ADGRV1: variants seen among roughly 807,000 people sequenced by gnomAD.
The protein encoded by ADGRV1 is G-protein coupled receptor 98.
ADGRV1 carries 359 observed loss-of-function variants against 596.2 expected under a neutral mutation model. The ratio of observed to expected loss-of-function variants is 0.60; its 90% confidence interval spans 0.55 to 0.66. ADGRV1 has a LOEUF of 0.66. Ranked by LOEUF, ADGRV1 falls within the 30% of genes least tolerant of loss-of-function variation. The probability of loss-of-function intolerance (pLI) is 0.00; values close to 1 mark genes in which losing one functional copy is unlikely to be tolerated. For missense variants in ADGRV1, 7,274 were observed against 7,575.6 expected (o/e 0.96, Z 1.48); for synonymous variants, 2,681 against 2,679.2 (o/e 1.00, Z -0.02).
At chr5:90,893,217 T>C (rs2150591330) in intron 83 of ADGRV1, among the ~76,000 whole-genome samples, 1 of 152,258 alleles carries the variant, frequency 6.6e-6, no homozygotes, top group East Asian at 1.9e-4. Context: ...AGGCTCCAGT[T>C]CCTTGCTTTA....
intron 85 of ADGRV1, among the ~76,000 whole-genome samples, chr5:91,009,256 A>T (rs1188295425): frequency 2.0e-5 from 3 of 152,176 alleles, no homozygotes; most frequent in African/African-American, 7.2e-5. Flanking sequence ...ATGATCTTTC[A>T]TCAAGGCAGA....
At chr5:90,683,237 G>C (rs993991128) in intron 27 of ADGRV1, among the ~76,000 whole-genome samples, 24 of 152,166 alleles carry the variant, frequency 1.6e-4, no homozygotes, top group African/African-American at 5.8e-4. Flanking sequence ...AAGAGATAGA[G>C]TCTTGGTGTG....
intron 65 of ADGRV1, among the ~76,000 whole-genome samples, chr5:90,782,275 T>C (rs1758928552): frequency 6.6e-6 from 1 of 152,122 alleles, no homozygotes; most frequent in Admixed American, 6.6e-5. Context: ...GCTTTAGGAG[T>C]TGGTTTATAA....
intron 1 of ADGRV1, among the ~76,000 whole-genome samples, chr5:90,607,753 A>C (rs1762280377): frequency 6.6e-6 from 1 of 152,162 alleles, no homozygotes; most frequent in African/African-American, 2.4e-5. Context: ...CAGAACTTTC[A>C]AGTATTATTT....
In ADGRV1 at chr5:90,684,098, T is replaced by C; in HGVS notation, c.6177T>C (p.Ala2059=). The change falls in exon 28 of 90, where the codon GCT becomes GCC. Residue 2059 remains alanine, a synonymous_variant. Transcript: ENST00000405460. ...FGANQSEATI[A]ISILDDDEPE... Reference sequence around the variant, plus strand: ...CTAATCAGAGTGAGGCAACAATAGCTATTTCAATTTTGGATGATGATGAGC... The same window carrying C: ...CTAATCAGAGTGAGGCAACAATAGCCATTTCAATTTTGGATGATGATGAGC... 1 of 1,613,978 alleles carries C rather than the reference T, an allele frequency of 6.2e-7. No individual in the cohort carries two copies. The highest frequency in any genetic ancestry group is 8.5e-7 in the Non-Finnish European group (1 of 1,179,880).
intron 79 of ADGRV1, among the ~76,000 whole-genome samples, chr5:90,851,946 C>T (rs1766570979): frequency 6.6e-6 from 1 of 152,098 alleles, no homozygotes. Flanking sequence ...GTTTGAGGTT[C>T]ACTGGTCTCT....
chr5:90,924,892 C>A (rs1006497541), intron 83 of ADGRV1, among the ~76,000 whole-genome samples: 4 of 151,808 alleles, frequency 2.6e-5, no homozygotes, highest in African/African-American at 9.7e-5. Flanking sequence ...AATAGGGAAT[C>A]CTTTCCCCAT....
intron 70 of ADGRV1, among the ~76,000 whole-genome samples, chr5:90,798,333 G>A (rs1258617163): frequency 6.6e-6 from 1 of 152,096 alleles, no homozygotes; most frequent in African/African-American, 2.4e-5. Context: ...AGAAGAAATG[G>A]ATAAATTCAT....
intron 17 of ADGRV1, among the ~76,000 whole-genome samples, chr5:90,650,184 T>C (rs942241327): frequency 5.9e-5 from 9 of 152,236 alleles, no homozygotes; most frequent in African/African-American, 2.2e-4. Flanking sequence ...CTGTTTATCC[T>C]GATGCTAATC....
intron 21 of ADGRV1, among the ~76,000 whole-genome samples, chr5:90,666,706 C>T (rs949027023): frequency 9.3e-5 from 14 of 151,296 alleles, no homozygotes; most frequent in African/African-American, 2.7e-4. Context: ...TTCCTAGTCT[C>T]GATGGTCTTT....
intron 84 of ADGRV1, among the ~76,000 whole-genome samples, chr5:90,974,763 G>A (rs1430093932): frequency 1.3e-5 from 2 of 152,100 alleles, no homozygotes; most frequent in Non-Finnish European, 2.9e-5. Context: ...GAAAACCTAG[G>A]CAATACCATT....
At chr5:90,685,232 A>G (rs1378686738) in intron 28 of ADGRV1, among the ~76,000 whole-genome samples, 1 of 152,166 alleles carries the variant, frequency 6.6e-6, no homozygotes, top group African/African-American at 2.4e-5. Flanking sequence ...TGAATCCCGA[A>G]TGTCTAGATT....
At chr5:90,789,674 T>C (rs1291761810) in intron 68 of ADGRV1, 28 bp from the exon 69 acceptor site, 1 of 1,383,176 alleles carries the variant, frequency 7.2e-7, no homozygotes, top group South Asian at 1.3e-5. Context: ...TTTTATAAAT[T>C]ATTTTCTCTG....
Position 90,637,890 on chromosome 5 carries a change from A to G in ADGRV1, c.2182A>G (p.Thr728Ala), listed in dbSNP as rs1343303620. 1 of 1,613,734 alleles carries G rather than the reference A, an allele frequency of 6.2e-7. No individual in the cohort carries two copies. The highest frequency in any genetic ancestry group is 2.2e-5 in the East Asian group (1 of 44,854). Residue 728 changes from threonine (T) to alanine (A), a missense_variant, in exon 11 of 90, where the codon ACT becomes GCT. Thr to Ala is a moderately conservative substitution (Grantham distance 58). This residue lies in a region of ADGRV1 where 1,715 missense variants were observed against 1,708.8 expected (regional missense o/e 1.00). Transcript: ENST00000405460. ...GCAAAGTGACACAACAATCAACATT[A>G]CTATCAAAGGTGATGACATACCGGA... Reference protein sequence around the residue: ...SGQSDTTINITIKGDDIPEMN... With the variant: ...SGQSDTTINIAIKGDDIPEMN...
At chr5:90,736,504 C>T (rs1337129873) in intron 50 of ADGRV1, among the ~76,000 whole-genome samples, 1 of 151,804 alleles carries the variant, frequency 6.6e-6, no homozygotes, top group Non-Finnish European at 1.5e-5. Context: ...TTGGAATTAT[C>T]CTCTGTTCTT....
intron 83 of ADGRV1, among the ~76,000 whole-genome samples, chr5:90,927,966 C>G (rs1329770611): frequency 6.6e-6 from 1 of 152,204 alleles, no homozygotes. Flanking sequence ...GGCCCCCACT[C>G]TCTCCTGGCT....
chr5:90,588,538 AG>A (rs1157332582), intron 1 of ADGRV1, among the ~76,000 whole-genome samples: 1 of 152,206 alleles, frequency 6.6e-6, no homozygotes, highest in African/African-American at 2.4e-5. Context: ...AAGCAGTCTG[AG>A]CCTGAGAAGT....
At chr5:90,845,537 C>T (rs1007328941) in intron 78 of ADGRV1, among the ~76,000 whole-genome samples, 2 of 151,750 alleles carry the variant, frequency 1.3e-5, no homozygotes, top group East Asian at 1.9e-4. Context: ...TTAGAAAAGT[C>T]GGAAGTTAAA....
At chr5:90,820,847 C>T (rs1763423025) in intron 75 of ADGRV1, among the ~76,000 whole-genome samples, 2 of 152,082 alleles carry the variant, frequency 1.3e-5, no homozygotes, top group Non-Finnish European at 2.9e-5. Flanking sequence ...CTGCCCTTAA[C>T]ATTTTTTCCT....
Sources: allele counts gnomAD v4.1 joint callset (sites outside exome capture counted in the v4.1 genomes callset), GRCh38; gene constraint gnomAD v4.1.1; regional missense constraint gnomAD v4.1.1; transcripts MANE v1.5; gene names NCBI Gene and HGNC (gene_info 2026-07-23, HGNC 2026-07-21).